The following IGF1R variants were observed in gnomAD, a reference collection of about 807,000 sequenced individuals.
IGF1R encodes insulin-like growth factor 1 receptor.
A neutral mutation model predicts 144.6 loss-of-function variants in IGF1R; 44 were observed. That is an observed-to-expected ratio of 0.30 (90% CI 0.24 to 0.39). The LOEUF (loss-of-function observed/expected upper bound fraction) is 0.39. Among genes scored for constraint, IGF1R ranks in the 10% least tolerant of loss-of-function variants. The probability of loss-of-function intolerance (pLI) is 1.00; values close to 1 mark genes in which losing one functional copy is unlikely to be tolerated. For missense variants in IGF1R, 1,355 were observed against 1,833.7 expected, an observed-to-expected ratio of 0.74 and a Z score of 4.77; for synonymous variants, 795 against 722.8, an observed-to-expected ratio of 1.10 and a Z score of -1.60.
chr15:98,663,746 G>A (rs1184291071), intron 1 of IGF1R, among the ~76,000 whole-genome samples: 2 of 152,220 alleles, frequency 1.3e-5, no homozygotes. Context: ...GGCTTCCCGA[G>A]GCTGGGAGAG....
intron 1 of IGF1R, among the ~76,000 whole-genome samples, chr15:98,695,389 T>TGA (rs980769576): frequency 2.0e-5 from 3 of 152,192 alleles, no homozygotes; most frequent in Admixed American, 1.3e-4. Flanking sequence ...ACGATGTGTG[T>TGA]GAGAGAGCAC....
chr15:98,895,554 C>T (rs928427113), intron 3 of IGF1R, among the ~76,000 whole-genome samples: 4 of 152,144 alleles, frequency 2.6e-5, no homozygotes, highest in Non-Finnish European at 4.4e-5. Context: ...GAAGGACTCT[C>T]CCCATCTGTG....
chr15:98,867,926 C>T (rs1027353451), intron 2 of IGF1R, among the ~76,000 whole-genome samples: 5 of 152,206 alleles, frequency 3.3e-5, no homozygotes, highest in Non-Finnish European at 5.9e-5. Flanking sequence ...CCAGGCCAGG[C>T]GCAGTGGCTC....
chr15:98,822,522 G>T (rs1567146516), intron 2 of IGF1R, among the ~76,000 whole-genome samples: 1 of 152,222 alleles, frequency 6.6e-6, no homozygotes, highest in African/African-American at 2.4e-5. Flanking sequence ...TTGACCCATT[G>T]TATTGAGAGC....
intron 2 of IGF1R, among the ~76,000 whole-genome samples, chr15:98,842,446 A>T (rs1414593020): frequency 6.6e-6 from 1 of 152,196 alleles, no homozygotes; most frequent in African/African-American, 2.4e-5. Context: ...GAGGACAGGG[A>T]AAGGCTTTGT....
intron 2 of IGF1R, among the ~76,000 whole-genome samples, chr15:98,789,412 G>T (rs1434766621): frequency 6.6e-6 from 1 of 152,144 alleles, no homozygotes; most frequent in African/African-American, 2.4e-5. Flanking sequence ...TATGTAGTAT[G>T]TTTCAAAAAT....
chr15:98,662,315 G>A (rs1220357731), intron 1 of IGF1R, among the ~76,000 whole-genome samples: 1 of 152,008 alleles, frequency 6.6e-6, no homozygotes, highest in African/African-American at 2.4e-5. Flanking sequence ...TACAGTGAAA[G>A]GTTTGAACCC....
At chr15:98,902,730 A>G (rs1047298680) in intron 5 of IGF1R, among the ~76,000 whole-genome samples, 1 of 152,126 alleles carries the variant, frequency 6.6e-6, no homozygotes, top group Non-Finnish European at 1.5e-5. Flanking sequence ...AACTTCTTTT[A>G]TAGCCAGTGA....
rs3833014 is a variant in IGF1R, at chr15:98,960,905, G to GCCCC, written c.*3468_*3471dup. 11 of 232,446 alleles carry GCCCC rather than the reference G, an allele frequency of 4.7e-5. No homozygotes were observed. Among genetic ancestry groups the GCCCC allele is most frequent in the African/African-American group, 2.4e-4 (11 of 45,304 alleles). The allele number at this position is 232,446 out of a possible 1,614,324, so 14.4% of individuals were successfully genotyped here. A position where few individuals can be genotyped will look rare whatever the true frequency, so the allele number is the denominator to read the frequency against. On this transcript the variant is annotated 3_prime_UTR_variant, in exon 21 of 21. Transcript: ENST00000650285. ...CCGGCGCCGAGGCTCGTGGCGTCAC[G>GCCCC]CCCCCCCCGCCAGGGCTGTACCTCC...
intron 2 of IGF1R, among the ~76,000 whole-genome samples, chr15:98,843,263 G>C (rs2011208187): frequency 6.6e-6 from 1 of 152,070 alleles, no homozygotes; most frequent in African/African-American, 2.4e-5. Context: ...GGAATTCATT[G>C]GTATTAGTGA....
intron 2 of IGF1R, among the ~76,000 whole-genome samples, chr15:98,728,007 G>GTTT (rs10680958): frequency 0.49 from 53,187 of 108,534 alleles, 14,284 homozygotes; most frequent in Non-Finnish European, 0.57. Flanking sequence ...AAGATGCATT[G>GTTT]TTTTTTTTTT....
intron 2 of IGF1R, among the ~76,000 whole-genome samples, chr15:98,778,541 G>A (rs2141387349): frequency 6.6e-6 from 1 of 152,346 alleles, no homozygotes; most frequent in Middle Eastern, 3.4e-3. Flanking sequence ...GTCACCCACA[G>A]GGCCCTTGAT....
intron 1 of IGF1R, among the ~76,000 whole-genome samples, chr15:98,667,603 T>G (rs1202804103): frequency 6.6e-6 from 1 of 151,904 alleles, no homozygotes; most frequent in Non-Finnish European, 1.5e-5. Flanking sequence ...GTTGTCATCC[T>G]TTGGTTTAAC....
intron 4 of IGF1R, 41 bp downstream of exon 4, chr15:98,896,946 G>C (rs771890952): frequency 1.4e-5 from 23 of 1,605,462 alleles, no homozygotes; most frequent in Non-Finnish European, 1.5e-5. Context: ...TAGATCTCAT[G>C]GTTTTCTTTT....
At chr15:98,827,047 A>G (rs1022250819) in intron 2 of IGF1R, among the ~76,000 whole-genome samples, 18 of 152,198 alleles carry the variant, frequency 1.2e-4, no homozygotes, top group African/African-American at 3.4e-4. Flanking sequence ...TTGCTATGTT[A>G]CTAAGATTTG....
At chr15:98,887,747 C>T (rs916823291) in intron 2 of IGF1R, among the ~76,000 whole-genome samples, 14 of 152,174 alleles carry the variant, frequency 9.2e-5, no homozygotes, top group African/African-American at 2.9e-4. Flanking sequence ...CATTATACGA[C>T]GTGAATTTTG....
chr15:98,867,520 G>A (rs1239646171), intron 2 of IGF1R, among the ~76,000 whole-genome samples: 4 of 152,218 alleles, frequency 2.6e-5, no homozygotes, highest in African/African-American at 4.8e-5. Flanking sequence ...CCTTGCCATC[G>A]TGTGGGCCTC....
chr15:98,662,369 C>T (rs1277047998), intron 1 of IGF1R, among the ~76,000 whole-genome samples: 1 of 152,096 alleles, frequency 6.6e-6, no homozygotes, highest in Non-Finnish European at 1.5e-5. Flanking sequence ...ACTAAGTAAC[C>T]ACCTTGCTTC....
intron 2 of IGF1R, among the ~76,000 whole-genome samples, chr15:98,744,334 A>C (rs2054815249): frequency 6.6e-6 from 1 of 152,046 alleles, no homozygotes; most frequent in Non-Finnish European, 1.5e-5. Context: ...TAAGAAGCCA[A>C]GCAGAGTGAG....
Sources: gnomAD v4.1 joint callset for allele counts (sites outside exome capture counted in the v4.1 genomes callset) on GRCh38, gnomAD v4.1.1 for gene constraint, MANE v1.5 for transcripts, NCBI Gene and HGNC (gene_info 2026-07-23, HGNC 2026-07-21) for gene names.